The following ACTR1A variants were observed in gnomAD, a reference collection of about 807,000 sequenced individuals.
ACTR1A encodes alpha-centractin.
A neutral mutation model predicts 50.7 loss-of-function variants in ACTR1A; 10 were observed. The ratio of observed to expected loss-of-function variants is 0.20; its 90% CI spans 0.12 to 0.33. The LOEUF is 0.33. Ranked by LOEUF, ACTR1A falls within the 10% of genes least tolerant of loss-of-function variation. The probability of loss-of-function intolerance (pLI) is 1.00; values close to 1 mark genes in which losing one functional copy is unlikely to be tolerated. For synonymous variants in ACTR1A, 177 were observed against 184.2 expected, an observed-to-expected ratio of 0.96 and a Z score of 0.32; for missense variants, 253 against 491.7, an observed-to-expected ratio of 0.51 and a Z score of 4.59.
Position 102,482,312 on chromosome 10 carries a change from T to A in ACTR1A, c.751-137A>T, listed in dbSNP as rs1240032849. 2.6e-6 allele frequency: 2 copies of A among 769,924 alleles called. No individual in the cohort carries two copies. The highest frequency in any genetic ancestry group is 2.1e-6 in the Non-Finnish European group (1 of 473,762). 47.7% of individuals were successfully genotyped at this position (769,924 alleles called of 1,614,324 possible). Reference sequence around the variant, plus strand: ...GGCCAGGCTCAAGACAGACTCTACATGTCAAGGGCTTAAAGGAACAAAGAT... The same window carrying A: ...GGCCAGGCTCAAGACAGACTCTACAAGTCAAGGGCTTAAAGGAACAAAGAT... On this transcript the variant is annotated intron_variant, in intron 7 of 10. Transcript: ENST00000369905. This position sits in a 1 kb window ranked among gnomAD's most constrained non-coding sequence, Gnocchi z 5.6.
intron 1 of ACTR1A, among the ~76,000 whole-genome samples, chr10:102,499,515 C>T (rs1248228648): frequency 1.3e-5 from 2 of 152,126 alleles, no homozygotes; most frequent in East Asian, 3.8e-4. Flanking sequence ...AAATGCATCA[C>T]TGCTGTAATG....
At chr10:102,484,052 G>T in intron 6 of ACTR1A, 108 bp downstream of exon 6, 1 of 1,037,512 alleles carries the variant, frequency 9.6e-7, no homozygotes, top group Non-Finnish European at 1.4e-6. Context: ...GCCTCACCAG[G>T]GACCCCCAGG....
chr10:102,495,661 G>C (rs979061025), intron 1 of ACTR1A, among the ~76,000 whole-genome samples: 8 of 151,816 alleles, frequency 5.3e-5, no homozygotes, highest in Middle Eastern at 3.4e-3. Flanking sequence ...CCCACAAGGG[G>C]GAGGTTGCAG....
rs535865744 is a variant in ACTR1A, at chr10:102,490,664, A to G, written c.49-51T>C. 58 of 1,442,254 alleles carry G rather than the reference A, an allele frequency of 4.0e-5. No individual in the cohort carries two copies. In the South Asian group the frequency reaches 6.2e-4, roughly 15 times the overall value. The allele number at this position is 1,442,254 out of a possible 1,614,324, so 89.3% of individuals were successfully genotyped here. A position where few individuals can be genotyped will look rare whatever the true frequency, so the allele number is the denominator to read the frequency against. ...GAGTCAGAACTATCACAAATACAAA[A>G]GGAAAAATACATTATATGGTACCAT... On this transcript the variant is annotated intron_variant, in intron 1 of 10. Transcript: ENST00000369905.
At position 102,484,141 on chromosome 10, in the gene ACTR1A, C is replaced by A; in HGVS notation, c.657+19G>T. The A allele has an allele frequency of 6.2e-7, 1 of 1,612,934 alleles. No homozygotes were observed. The highest frequency in any genetic ancestry group is 8.5e-7 in the Non-Finnish European group (1 of 1,179,046). On this transcript the variant is annotated intron_variant, in intron 6 of 10. Transcript: ENST00000369905. Reference sequence around the variant, plus strand: ...TCCCAACCCCCACTCCATCCCTAGGCCCAGGGGGCAGCACTTACTTCTTTT... The same window carrying A: ...TCCCAACCCCCACTCCATCCCTAGGACCAGGGGGCAGCACTTACTTCTTTT...
Position 102,479,998 on chromosome 10 carries a change from T to G in ACTR1A, c.*865A>C, listed in dbSNP as rs72847723. Reference sequence around the variant, plus strand: ...CTGGGAGAGGTGGGGCCCTGGAGGCTAAGCTTAGGTGCTGTAAACATTAGT... The same window carrying G: ...CTGGGAGAGGTGGGGCCCTGGAGGCGAAGCTTAGGTGCTGTAAACATTAGT... On this transcript the variant is annotated 3_prime_UTR_variant, in exon 11 of 11. Coordinates refer to ENST00000369905, the MANE Select transcript of ACTR1A (RefSeq NM_005736.4). This position sits in a 1 kb window ranked among gnomAD's most constrained non-coding sequence, Gnocchi z 4.0. The G allele has an allele frequency of 1.5e-3, 333 of 223,958 alleles. 1 individual carries two copies. Among genetic ancestry groups the G allele is most frequent in the Non-Finnish European group, 2.7e-3 (294 of 107,494 alleles). The allele number at this position is 223,958 out of a possible 1,614,324, so 13.9% of individuals were successfully genotyped here.
chr10:102,493,097 C>G (rs1405673086), intron 1 of ACTR1A, among the ~76,000 whole-genome samples: 1 of 149,894 alleles, frequency 6.7e-6, no homozygotes, highest in Non-Finnish European at 1.5e-5. Flanking sequence ...GAGCAGGAAT[C>G]TTTGCCAACA....
chr10:102,479,271 C>A lies in ACTR1A; in HGVS notation c.*1592G>T. 1 of 523,928 alleles carries A rather than the reference C, an allele frequency of 1.9e-6. No homozygotes were observed. 32.5% of individuals were successfully genotyped at this position (523,928 alleles called of 1,614,324 possible). On this transcript the variant is annotated 3_prime_UTR_variant, in exon 11 of 11. Transcript: ENST00000369905. The surrounding 1 kb of genome is among the most constrained non-coding windows in gnomAD (Gnocchi z 4.0). ...CGACTTTATTTCAGTACACTGGGCCCCACCAGGCAATGTGGTTTGTGCGAG... is the reference window on the plus strand; with the variant it reads ...CGACTTTATTTCAGTACACTGGGCCACACCAGGCAATGTGGTTTGTGCGAG...
At chr10:102,498,812 T>C (rs756954401) in intron 1 of ACTR1A, among the ~76,000 whole-genome samples, 2 of 152,052 alleles carry the variant, frequency 1.3e-5, no homozygotes, top group African/African-American at 4.8e-5. Flanking sequence ...ATAAACATAG[T>C]ATTCTGATCA....
rs190801588 is a variant in ACTR1A, at chr10:102,481,829, G to A, written c.987+8C>T. The A allele has an allele frequency of 1.2e-6, 2 of 1,612,244 alleles. No individual in the cohort carries two copies. Among genetic ancestry groups the A allele is most frequent in the Non-Finnish European group, 1.7e-6 (2 of 1,179,994 alleles). ...TTCCACCCAGGCCAGGCCCCACCAT[G>A]CTCCTACCCTGATCTTCACATCTTT... On this transcript the variant is annotated splice_region_variant and intron_variant, in intron 9 of 10. Coordinates refer to ENST00000369905, the MANE Select transcript of ACTR1A (RefSeq NM_005736.4).
At position 102,482,799 on chromosome 10, in the gene ACTR1A, AG is replaced by A. The variant is rs2135579788; in HGVS notation, c.750+211del. The A allele has an allele frequency of 1.8e-6, 1 of 567,838 alleles. No individual in the cohort carries two copies. The highest frequency in any genetic ancestry group is 2.3e-5 in the South Asian group (1 of 42,690). 35.2% of individuals were successfully genotyped at this position (567,838 alleles called of 1,614,324 possible). A position where few individuals can be genotyped will look rare whatever the true frequency, so the allele number is the denominator to read the frequency against. On this transcript the variant is annotated intron_variant, in intron 7 of 10. Coordinates refer to ENST00000369905, the MANE Select transcript of ACTR1A (RefSeq NM_005736.4). The surrounding 1 kb of genome is among the most constrained non-coding windows in gnomAD (Gnocchi z 5.6). ...CTGAGCTAAAAAAAAAAATTGCAAA[AG>A]AATCTCATAATGTTTTAAGAAAGTT...
At chr10:102,493,000 T>TTAAAAAAAAAAAAAAA (rs1564650405) in intron 1 of ACTR1A, among the ~76,000 whole-genome samples, 1 of 2,394 alleles carries the variant, frequency 4.2e-4, no homozygotes, top group Non-Finnish European at 8.5e-4. Context: ...AGACTCCACC[T>TTAAAAAAAAAAAAAAA]CAAAAAAAAA....
chr10:102,491,224 C>T (rs1230856580), intron 1 of ACTR1A, among the ~76,000 whole-genome samples: 2 of 152,084 alleles, frequency 1.3e-5, no homozygotes, highest in African/African-American at 4.8e-5. Context: ...GACAGAAAAC[C>T]TGGGGAAAGA....
At chr10:102,484,026 G>A (rs2062155139) in intron 6 of ACTR1A, 134 bp downstream of exon 6, 1 of 748,890 alleles carries the variant, frequency 1.3e-6, no homozygotes, top group African/African-American at 1.7e-5. Context: ...GGGGAGACCT[G>A]GCTGGGAAGA....
At chr10:102,497,637 G>T (rs770860163) in intron 1 of ACTR1A, among the ~76,000 whole-genome samples, 1 of 142,980 alleles carries the variant, frequency 7.0e-6, no homozygotes, top group African/African-American at 2.6e-5. Flanking sequence ...AAAATCATAG[G>T]TGGAAAGGAG....
intron 1 of ACTR1A, among the ~76,000 whole-genome samples, chr10:102,497,513 G>C (rs2062227988): frequency 6.6e-6 from 1 of 151,998 alleles, no homozygotes; most frequent in African/African-American, 2.4e-5. Flanking sequence ...CTCGAGCTCA[G>C]GAGTTTGAGG....
chr10:102,497,171 GAAAAAAAAAAA>G (rs968687001), intron 1 of ACTR1A, among the ~76,000 whole-genome samples: 3 of 69,770 alleles, frequency 4.3e-5, no homozygotes, highest in African/African-American at 1.7e-4. Context: ...TCCATCTCAG[GAAAAAAAAAAA>G]AAAAAAAAAA....
chr10:102,492,012 G>A lies in ACTR1A; in HGVS notation c.49-1399C>T, dbSNP rs576019669. Among the ~76,000 whole-genome samples the A allele has an allele frequency of 2.2e-5, 3 of 136,364 alleles. No individual in the cohort carries two copies. The East Asian group carries it at 6.6e-4, about 30-fold the overall frequency. The allele number at this position is 136,364 out of a possible 152,430, so 89.5% of individuals were successfully genotyped here. ...TCTCGATCTCCTGACCTCGTGATCCGCCCGCCTTGGCCTCCCAAAGTGCTG... is the reference window on the plus strand; with the variant it reads ...TCTCGATCTCCTGACCTCGTGATCCACCCGCCTTGGCCTCCCAAAGTGCTG... On this transcript the variant is annotated intron_variant, in intron 1 of 10. Coordinates refer to ENST00000369905, the MANE Select transcript of ACTR1A (RefSeq NM_005736.4).
Position 102,502,223 on chromosome 10 carries a change from C to T in ACTR1A, c.48+377G>A, listed in dbSNP as rs565055113. On this transcript the variant is annotated intron_variant, in intron 1 of 10. Coordinates refer to ENST00000369905, the MANE Select transcript of ACTR1A (RefSeq NM_005736.4). ...AATCACCGCAGAGGCCTAGCCTCAT[C>T]CGGCAAGGCTAAGAGGCGGTATCAT... 7.0e-4 allele frequency among the ~76,000 whole-genome samples: 106 copies of T among 152,368 alleles called. 1 individual carries two copies. Among genetic ancestry groups the T allele is most frequent in the African/African-American group, 2.5e-3 (105 of 41,584 alleles).
Sources: allele counts gnomAD v4.1 joint callset (sites outside exome capture counted in the v4.1 genomes callset), GRCh38; gene constraint gnomAD v4.1.1; non-coding constraint Gnocchi (gnomAD v3.1); transcripts MANE v1.5; gene names NCBI Gene and HGNC (gene_info 2026-07-23, HGNC 2026-07-21).